GLI3: variants seen among roughly 807,000 people sequenced by gnomAD.
The protein encoded by GLI3 is GLI family zinc finger 3.
A neutral mutation model predicts 100.8 loss-of-function variants in GLI3; 20 were observed. That is an observed-to-expected ratio of 0.20 (90% CI 0.14 to 0.29). The LOEUF is 0.29. Ranked by LOEUF, GLI3 falls within the 10% of genes least tolerant of loss-of-function variation. The pLI is 1.00. For synonymous variants in GLI3, 938 were observed against 860.5 expected (o/e 1.09, Z -1.58); for missense variants, 2,040 against 2,128.5 (o/e 0.96, Z 0.82).
chr7:42,159,200 C>G (rs1006169729), intron 2 of GLI3, among the ~76,000 whole-genome samples: 3 of 152,172 alleles, frequency 2.0e-5, no homozygotes, highest in Admixed American at 2.0e-4. Context: ...AAGAAGCAGC[C>G]TAAGTATTTG....
At chr7:41,977,999 A>G in intron 11 of GLI3, 1 of 494,376 alleles carries the variant, frequency 2.0e-6, no homozygotes, top group Admixed American at 3.3e-5. Flanking sequence ...CTGCTCATTG[A>G]TCTCCTCAAA....
intron 3 of GLI3, among the ~76,000 whole-genome samples, chr7:42,082,480 C>T (rs1785016687): frequency 6.6e-6 from 1 of 152,096 alleles, no homozygotes; most frequent in Admixed American, 6.5e-5. Context: ...GTGTTTTGAG[C>T]AAGACAGTCT....
chr7:42,146,650 T>C (rs1328710307), intron 3 of GLI3, among the ~76,000 whole-genome samples: 1 of 152,218 alleles, frequency 6.6e-6, no homozygotes, highest in Non-Finnish European at 1.5e-5. Context: ...GAGCTTTGGC[T>C]AAGAGTCTAG....
chr7:42,247,630 A>G (rs926786293), intron 1 of GLI3, among the ~76,000 whole-genome samples: 2 of 152,160 alleles, frequency 1.3e-5, no homozygotes, highest in Non-Finnish European at 2.9e-5. Flanking sequence ...TCATTCTATG[A>G]CTGGTTGACT....
intron 2 of GLI3, among the ~76,000 whole-genome samples, chr7:42,198,929 C>CTTT (rs34261962): frequency 2.0e-4 from 29 of 146,162 alleles, no homozygotes; most frequent in East Asian, 1.0e-3. Context: ...GAAAAAGTTT[C>CTTT]TTTTTTTTTT....
chr7:42,082,623 A>C (rs1785020548), intron 3 of GLI3, among the ~76,000 whole-genome samples: 1 of 152,148 alleles, frequency 6.6e-6, no homozygotes, highest in Admixed American at 6.5e-5. Flanking sequence ...CTGGTCTCAC[A>C]AGCATATTAT....
intron 2 of GLI3, among the ~76,000 whole-genome samples, chr7:42,166,983 G>A (rs972532087): frequency 4.6e-5 from 7 of 151,944 alleles, no homozygotes; most frequent in African/African-American, 1.4e-4. Flanking sequence ...ATGCCACCAC[G>A]CCTGACTAAT....
rs2128703959 is a variant in GLI3, at chr7:41,962,554, C to G, written c.*1776G>C. 1 of 152,272 alleles carries G rather than the reference C, an allele frequency of 6.6e-6. No individual in the cohort carries two copies. The highest frequency in any genetic ancestry group is 2.1e-4 in the South Asian group (1 of 4,824). 9.4% of individuals were successfully genotyped at this position (152,272 alleles called of 1,614,324 possible). On this transcript the variant is annotated 3_prime_UTR_variant, in exon 15 of 15. Coordinates refer to ENST00000395925, the MANE Select transcript of GLI3 (RefSeq NM_000168.6). ...AGGCATGGAAGGGGAATTGCAGTGT[C>G]CCTCTGCTTGTCTCAGGAACATCTA...
intron 2 of GLI3, among the ~76,000 whole-genome samples, chr7:42,183,021 G>A (rs1252433900): frequency 6.6e-6 from 1 of 151,988 alleles, no homozygotes; most frequent in Non-Finnish European, 1.5e-5. Flanking sequence ...AGGAGTTCAA[G>A]ACCAGTCTGG....
At chr7:42,128,134 A>T (rs1318346058) in intron 3 of GLI3, among the ~76,000 whole-genome samples, 7 of 152,186 alleles carry the variant, frequency 4.6e-5, no homozygotes, top group Admixed American at 4.6e-4. Context: ...AAGAAAATAT[A>T]CATATATAGG....
At chr7:42,170,237 G>A (rs1787337723) in intron 2 of GLI3, among the ~76,000 whole-genome samples, 1 of 134,110 alleles carries the variant, frequency 7.5e-6, no homozygotes, top group Admixed American at 7.7e-5. Flanking sequence ...GGGCGACAAA[G>A]CAAGACTGTG....
chr7:41,989,827 G>A (rs917587994), intron 10 of GLI3, among the ~76,000 whole-genome samples: 21 of 151,780 alleles, frequency 1.4e-4, no homozygotes, highest in African/African-American at 2.2e-4. Context: ...GAGCCCAGGC[G>A]TTCAACACCA....
chr7:42,074,740 C>A (rs1321380457), intron 4 of GLI3, among the ~76,000 whole-genome samples: 1 of 152,196 alleles, frequency 6.6e-6, no homozygotes, highest in Non-Finnish European at 1.5e-5. Context: ...CATAAGCTCA[C>A]CATTCTCTGT....
intron 2 of GLI3, among the ~76,000 whole-genome samples, chr7:42,156,617 A>C (rs999144836): frequency 2.6e-5 from 4 of 152,198 alleles, no homozygotes; most frequent in African/African-American, 9.7e-5. Context: ...GCCTGTTCAG[A>C]AGGCCAGAGT....
intron 3 of GLI3, among the ~76,000 whole-genome samples, chr7:42,077,323 A>G (rs753036178): frequency 2.6e-5 from 4 of 152,106 alleles, no homozygotes; most frequent in Non-Finnish European, 4.4e-5. Context: ...TAAGAGTGAA[A>G]GGCTTGCTAG....
intron 2 of GLI3, among the ~76,000 whole-genome samples, chr7:42,204,159 C>T (rs532483646): frequency 1.3e-5 from 2 of 152,174 alleles, no homozygotes; most frequent in South Asian, 2.1e-4. Flanking sequence ...TGTCTAGCAT[C>T]GCCTTCATGG....
At chr7:42,189,733 C>G (rs903454234) in intron 2 of GLI3, among the ~76,000 whole-genome samples, 1 of 152,154 alleles carries the variant, frequency 6.6e-6, no homozygotes, top group Non-Finnish European at 1.5e-5. Context: ...CTTACCAAAA[C>G]TTGACAGAGT....
rs1362056953 is a variant in GLI3, at chr7:42,023,364, T to C, written c.1497+104A>G. 24 of 1,202,276 alleles carry C rather than the reference T, an allele frequency of 2.0e-5. No homozygotes were observed. In the East Asian group the frequency reaches 4.9e-4, roughly 24 times the overall value. The allele number at this position is 1,202,276 out of a possible 1,614,324, so 74.5% of individuals were successfully genotyped here. On this transcript the variant is annotated intron_variant, in intron 10 of 14. Transcript: ENST00000395925. ...TCATAAAGCCCTCTCCAGTTCGCAA[T>C]GCGGCTCCTAAGAAACTTGACTCAG...
intron 4 of GLI3, among the ~76,000 whole-genome samples, chr7:42,072,555 A>T (rs1301425745): frequency 6.6e-6 from 1 of 152,178 alleles, no homozygotes; most frequent in Non-Finnish European, 1.5e-5. Flanking sequence ...TTGACAATGC[A>T]ATTGTATTCT....
Sources: allele counts gnomAD v4.1 joint callset (sites outside exome capture counted in the v4.1 genomes callset), GRCh38; gene constraint gnomAD v4.1.1; transcripts MANE v1.5; gene names NCBI Gene and HGNC (gene_info 2026-07-23, HGNC 2026-07-21).